CASK: variants seen among roughly 807,000 people sequenced by gnomAD.
CASK encodes the protein peripheral plasma membrane protein CASK.
CASK carries 4 observed loss-of-function variants against 82.9 expected under a neutral mutation model. The observed-to-expected ratio is 0.05, with a 90% CI of 0.02 to 0.11. The LOEUF (loss-of-function observed/expected upper bound fraction) is 0.11. CASK is among the 10% of genes least tolerant of loss of function. CASK has a pLI of 1.00. For missense variants in CASK, 358 were observed against 720.9 expected (o/e 0.50, Z 5.76); for synonymous variants, 259 against 253.5 (o/e 1.02, Z -0.20).
intron 12 of CASK, among the ~76,000 whole-genome samples, chrX:41,604,325 G>A (rs915859644): frequency 1.0e-4 from 10 of 99,667 alleles, no homozygotes; most frequent in African/African-American, 3.7e-4. Flanking sequence ...TTAAGATGAT[G>A]TCATACTAGA....
chrX:41,616,901 G>C (rs1429975809), intron 11 of CASK, among the ~76,000 whole-genome samples: 2 of 112,392 alleles, frequency 1.8e-5, no homozygotes, highest in African/African-American at 6.5e-5. Context: ...GAGCCACAGC[G>C]CCTGGCCCCA....
At chrX:41,574,102 C>G (rs143353414) in intron 15 of CASK, among the ~76,000 whole-genome samples, 1 of 110,707 alleles carries the variant, frequency 9.0e-6, no homozygotes, top group African/African-American at 3.3e-5. Flanking sequence ...ATGCACTGAT[C>G]GATACTCTGC....
Position 41,626,683 on chromosome X carries a change from C to T in CASK, c.936G>A (p.Val312=). ...RKLKGAVLAA[V]SSHKFNSFYG... ...AGAATGAGTTGAATTTGTGACTTGA[C>T]ACAGCGGCTAGTACTGCACCCTAAA... The change falls in exon 10 of 27, where the codon GTG becomes GTA. Residue 312 remains valine, a synonymous_variant. Transcript: ENST00000378163. The T allele has an allele frequency of 1.7e-6, 2 of 1,194,781 alleles. No individual in the cohort carries two copies. The highest frequency in any genetic ancestry group is 2.3e-6 in the Non-Finnish European group (2 of 880,041).
At chrX:41,863,547 C>T (rs1406302726) in intron 1 of CASK, among the ~76,000 whole-genome samples, 1 of 112,342 alleles carries the variant, frequency 8.9e-6, no homozygotes, top group Non-Finnish European at 1.9e-5. Context: ...GCAGGGTCTG[C>T]CCTAAACAGG....
intron 2 of CASK, among the ~76,000 whole-genome samples, chrX:41,796,870 A>G (rs2069865186): frequency 8.9e-6 from 1 of 111,998 alleles, no homozygotes; most frequent in Admixed American, 9.5e-5. Flanking sequence ...CACAGCAAAG[A>G]TCTTTAAATG....
At chrX:41,636,021 CG>C (rs1416972828) in intron 9 of CASK, among the ~76,000 whole-genome samples, 1 of 106,367 alleles carries the variant, frequency 9.4e-6, no homozygotes, top group Non-Finnish European at 1.9e-5. Flanking sequence ...CTCAGCCTCC[CG>C]AGTAGCTGGG....
At chrX:41,763,719 A>G (rs2069051734) in intron 3 of CASK, among the ~76,000 whole-genome samples, 1 of 111,171 alleles carries the variant, frequency 9.0e-6, no homozygotes, top group South Asian at 3.8e-4. Flanking sequence ...ACTTCTTTCT[A>G]GTTTCATCCT....
intron 9 of CASK, among the ~76,000 whole-genome samples, chrX:41,636,345 A>C (rs903314551): frequency 6.2e-5 from 7 of 112,231 alleles, no homozygotes; most frequent in Admixed American, 5.7e-4. Context: ...ACAAATCTAA[A>C]ATACAACTAA....
At chrX:41,773,019 A>G (rs1338661432) in intron 3 of CASK, among the ~76,000 whole-genome samples, 1 of 111,492 alleles carries the variant, frequency 9.0e-6, no homozygotes, top group Non-Finnish European at 1.9e-5. Context: ...CAATCAATCA[A>G]TAGAACAATA....
At chrX:41,528,495 A>T (rs2064746297) in intron 25 of CASK, among the ~76,000 whole-genome samples, 1 of 112,172 alleles carries the variant, frequency 8.9e-6, no homozygotes, top group South Asian at 3.7e-4. Context: ...TATGGTCCAC[A>T]TGTAGTTTGG....
intron 2 of CASK, among the ~76,000 whole-genome samples, chrX:41,829,385 T>G (rs1158884463): frequency 9.2e-6 from 1 of 109,116 alleles, no homozygotes; most frequent in African/African-American, 3.3e-5. Context: ...GAGTTGGTAG[T>G]TTTTTAAGCC....
chrX:41,735,445 C>T (rs1226057121), intron 5 of CASK, among the ~76,000 whole-genome samples: 1 of 111,761 alleles, frequency 8.9e-6, no homozygotes, highest in Non-Finnish European at 1.9e-5. Flanking sequence ...TTACAATGAC[C>T]ACTATGTTGG....
At chrX:41,602,843 A>C (rs184054181) in intron 12 of CASK, among the ~76,000 whole-genome samples, 25 of 109,363 alleles carry the variant, frequency 2.3e-4, no homozygotes, top group Non-Finnish European at 2.1e-4. Context: ...TTCATGCCGT[A>C]CTTTTACACT....
At chrX:41,858,215 T>C (rs2071408233) in intron 1 of CASK, among the ~76,000 whole-genome samples, 1 of 112,182 alleles carries the variant, frequency 8.9e-6, no homozygotes, top group Non-Finnish European at 1.9e-5. Context: ...CTGACAGCTG[T>C]GCCTCAGGCA....
intron 5 of CASK, among the ~76,000 whole-genome samples, chrX:41,688,289 A>G (rs2067479206): frequency 8.9e-6 from 1 of 111,783 alleles, no homozygotes; most frequent in African/African-American, 3.3e-5. Context: ...GCAGGATAAC[A>G]ATTATGGGGA....
intron 3 of CASK, among the ~76,000 whole-genome samples, chrX:41,760,041 A>G (rs963222407): frequency 2.7e-5 from 3 of 112,114 alleles, no homozygotes; most frequent in African/African-American, 9.7e-5. Flanking sequence ...AGCTCCAGCT[A>G]CAAGGGATAG....
At chrX:41,690,676 T>G (rs1246913330) in intron 5 of CASK, among the ~76,000 whole-genome samples, 1 of 99,911 alleles carries the variant, frequency 1.0e-5, no homozygotes, top group Non-Finnish European at 2.0e-5. Context: ...TTTTTTTTTT[T>G]ATGTTCTTTT....
chrX:41,874,969 T>C (rs1272708151), intron 1 of CASK, among the ~76,000 whole-genome samples: 1 of 112,686 alleles, frequency 8.9e-6, no homozygotes, highest in Non-Finnish European at 1.9e-5. Context: ...AGATGCTTAC[T>C]GGTTTGGATT....
At chrX:41,825,019 C>T (rs771321854) in intron 2 of CASK, among the ~76,000 whole-genome samples, 9 of 111,836 alleles carry the variant, frequency 8.0e-5, no homozygotes, top group African/African-American at 2.9e-4. Context: ...GATATTACAA[C>T]AGGGTGACTA....
Sources: gnomAD v4.1 joint callset for allele counts (sites outside exome capture counted in the v4.1 genomes callset) on GRCh38, gnomAD v4.1.1 for gene constraint, MANE v1.5 for transcripts, NCBI Gene and HGNC (gene_info 2026-07-23, HGNC 2026-07-21) for gene names.